The following ASH1L variants were observed in gnomAD, a reference collection of about 807,000 sequenced individuals.
The protein encoded by ASH1L is histone-lysine N-methyltransferase ASH1L.
ASH1L carries 23 observed loss-of-function variants against 269.0 expected under a neutral mutation model. That is an observed-to-expected ratio of 0.09 (90% CI 0.06 to 0.12). The LOEUF (loss-of-function observed/expected upper bound fraction) is 0.12. Among genes scored for constraint, ASH1L ranks in the 10% least tolerant of loss-of-function variants. The probability of loss-of-function intolerance (pLI) is 1.00; values close to 1 mark genes in which losing one functional copy is unlikely to be tolerated. For missense variants in ASH1L, 2,912 were observed against 3,567.8 expected (o/e 0.82, Z 4.68); for synonymous variants, 1,187 against 1,253.5 (o/e 0.95, Z 1.12).
chr1:155,384,446 G>A (rs1180246269), intron 7 of ASH1L, among the ~76,000 whole-genome samples: 2 of 151,374 alleles, frequency 1.3e-5, no homozygotes, highest in Non-Finnish European at 2.9e-5. Flanking sequence ...TATAGGTAAG[G>A]GTAATTTCTC....
intron 2 of ASH1L, among the ~76,000 whole-genome samples, chr1:155,505,077 T>A (rs182070399): frequency 6.6e-6 from 1 of 152,136 alleles, no homozygotes; most frequent in East Asian, 1.9e-4. Context: ...ATAAGTATGG[T>A]CATGCAATTC....
chr1:155,387,280 G>C (rs1178868278), intron 7 of ASH1L, among the ~76,000 whole-genome samples: 1 of 152,102 alleles, frequency 6.6e-6, no homozygotes, highest in Admixed American at 6.6e-5. Flanking sequence ...GGCCTACATT[G>C]AAGTTTTTAA....
intron 3 of ASH1L, among the ~76,000 whole-genome samples, chr1:155,474,025 G>A (rs1665337203): frequency 6.6e-6 from 1 of 152,066 alleles, no homozygotes; most frequent in Admixed American, 6.6e-5. Context: ...AGTAGAGACA[G>A]GTTTCGCCAT....
chr1:155,442,872 T>G (rs898799812), intron 4 of ASH1L, among the ~76,000 whole-genome samples: 7 of 152,174 alleles, frequency 4.6e-5, no homozygotes, highest in African/African-American at 1.7e-4. Flanking sequence ...TAATGACTAT[T>G]CATTCTTTAG....
intron 1 of ASH1L, among the ~76,000 whole-genome samples, chr1:155,558,121 T>A (rs1226364951): frequency 6.6e-6 from 1 of 152,122 alleles, no homozygotes; most frequent in Non-Finnish European, 1.5e-5. Flanking sequence ...AGACTCAGAA[T>A]AAAGACTCAA....
intron 5 of ASH1L, among the ~76,000 whole-genome samples, chr1:155,436,316 T>G (rs1662088752): frequency 6.7e-6 from 1 of 148,958 alleles, no homozygotes. Flanking sequence ...CTCAGCCTCC[T>G]GAGTAGCCGG....
intron 4 of ASH1L, among the ~76,000 whole-genome samples, chr1:155,450,973 G>GCTCACACCTGT: frequency 6.6e-6 from 1 of 152,146 alleles, no homozygotes; most frequent in Admixed American, 6.5e-5. Context: ...TAAGGCGGTC[G>GCTCACACCTGT]AATCACCTGA....
At chr1:155,374,856 C>A (rs182708947) in intron 10 of ASH1L, among the ~76,000 whole-genome samples, 8 of 152,248 alleles carry the variant, frequency 5.3e-5, no homozygotes, top group Admixed American at 5.2e-4. Flanking sequence ...CACTCTGTCA[C>A]CCAGCCTGGA....
Position 155,481,372 on chromosome 1 carries a change from A to G in ASH1L, c.1498T>C (p.Cys500Arg), listed in dbSNP as rs1244153690. 6.2e-7 allele frequency: 1 copy of G among 1,614,142 alleles called. No individual in the cohort carries two copies. Among genetic ancestry groups the G allele is most frequent in the Non-Finnish European group, 8.5e-7 (1 of 1,179,998 alleles). Residue 500 changes from cysteine (C) to arginine (R), a missense_variant, in exon 3 of 28, where the codon TGC becomes CGC. Physicochemically the swap from Cys to Arg is radical, Grantham distance 180 (BLOSUM62 -3). Around this residue, in one of 13 missense-constraint regions of ASH1L, gnomAD observed 715 missense variants for 721.0 expected, o/e 0.99. Coordinates refer to ENST00000392403, the MANE Select transcript of ASH1L (RefSeq NM_018489.3). ...GATGAGAAACTGTCTTGCTGAATGC[A>G]TGTTCCTTCATTAAACATTTCTTTC... Reference protein sequence around the residue: ...LEKEMFNEGTCIQQDSFSSSE... With the variant: ...LEKEMFNEGTRIQQDSFSSSE...
chr1:155,479,108 G>C lies in ASH1L; in HGVS notation c.3762C>G (p.Arg1254=). The C allele has an allele frequency of 6.2e-7, 1 of 1,614,026 alleles. No individual in the cohort carries two copies. The highest frequency in any genetic ancestry group is 8.5e-7 in the Non-Finnish European group (1 of 1,180,018). Residue 1254 remains arginine (R), a synonymous_variant, in exon 3 of 28, where the codon CGC becomes CGG. Coordinates refer to ENST00000392403, the MANE Select transcript of ASH1L (RefSeq NM_018489.3). ...LKEKHKHKCK[R]RNHDYLSYDK... ...CATAGCTGAGGTAATCATGATTCCT[G>C]CGCTTACATTTGTGTTTATGTTTTT... is the stretch of plus-strand genomic sequence containing the variant.
Position 155,338,222 on chromosome 1 carries a change from C to T in ASH1L, c.8670G>A (p.Glu2890=). The T allele has an allele frequency of 6.2e-7, 1 of 1,613,960 alleles. No individual in the cohort carries two copies. Among genetic ancestry groups the T allele is most frequent in the Non-Finnish European group, 8.5e-7 (1 of 1,179,992 alleles). ...TACTTTCCTCTGTTTTTTTTTCACC[C>T]TCACTGACGTTAGCAGTGGCCCCTT... is the stretch of plus-strand genomic sequence containing the variant. The part of the protein sequence containing the change: ...EREGATANVS[E]GEKKTEESSQ... The change falls in exon 27 of 28, where the codon GAG becomes GAA. Residue 2890 remains glutamate (E), a synonymous_variant. Transcript: ENST00000392403.
At chr1:155,506,357 C>T (rs751692388) in intron 2 of ASH1L, among the ~76,000 whole-genome samples, 2 of 152,164 alleles carry the variant, frequency 1.3e-5, no homozygotes, top group Non-Finnish European at 2.9e-5. Context: ...ATAATCTCTA[C>T]CGAGCAAGAA....
At chr1:155,529,773 A>T (rs1669528963) in intron 1 of ASH1L, among the ~76,000 whole-genome samples, 7 of 151,992 alleles carry the variant, frequency 4.6e-5, no homozygotes, top group Admixed American at 4.6e-4. Context: ...CAGAAGCCAA[A>T]ATTTTTTAAA....
chr1:155,493,164 T>C (rs564335072), intron 2 of ASH1L, among the ~76,000 whole-genome samples: 1 of 152,314 alleles, frequency 6.6e-6, no homozygotes, highest in South Asian at 2.1e-4. Flanking sequence ...TTTTTAACTA[T>C]AGTTACAGAA....
At chr1:155,525,748 T>G (rs1385030082) in intron 1 of ASH1L, among the ~76,000 whole-genome samples, 1 of 152,010 alleles carries the variant, frequency 6.6e-6, no homozygotes, top group Non-Finnish European at 1.5e-5. Context: ...TTAGGGCAAT[T>G]AACTTTTTTC....
At chr1:155,393,051 C>T (rs1211138423) in intron 7 of ASH1L, among the ~76,000 whole-genome samples, 5 of 152,054 alleles carry the variant, frequency 3.3e-5, no homozygotes, top group African/African-American at 9.7e-5. Context: ...AGCCTGCTTC[C>T]GCTGCTATGA....
chr1:155,441,912 T>G (rs1271457373), intron 4 of ASH1L, among the ~76,000 whole-genome samples: 2 of 151,872 alleles, frequency 1.3e-5, no homozygotes, highest in Non-Finnish European at 2.9e-5. Flanking sequence ...ACTACAGGCA[T>G]GCACCAACAT....
chr1:155,525,446 CAGA>C (rs1669185813), intron 1 of ASH1L, among the ~76,000 whole-genome samples: 1 of 150,578 alleles, frequency 6.6e-6, no homozygotes, highest in Non-Finnish European at 1.5e-5. Flanking sequence ...AATTACAATG[CAGA>C]AGTATTAATG....
At chr1:155,546,714 C>A (rs1364836196) in intron 1 of ASH1L, among the ~76,000 whole-genome samples, 1 of 151,230 alleles carries the variant, frequency 6.6e-6, no homozygotes, top group African/African-American at 2.4e-5. Context: ...GCTGAGATCA[C>A]GCCACTACAC....
Sources: gnomAD v4.1 joint callset for allele counts (sites outside exome capture counted in the v4.1 genomes callset) on GRCh38, gnomAD v4.1.1 for gene constraint, gnomAD v4.1.1 regional missense constraint, MANE v1.5 for transcripts, NCBI Gene and HGNC (gene_info 2026-07-23, HGNC 2026-07-21) for gene names.